Variants in NEXMIF observed in about 807,000 individuals in gnomAD.
NEXMIF encodes the protein XLMR protein related to neurite extension.
A neutral mutation model predicts 62.1 loss-of-function variants in NEXMIF; 8 were observed. That is an observed-to-expected ratio of 0.13 (90% CI 0.08 to 0.23). NEXMIF has a LOEUF of 0.23. Ranked by LOEUF, NEXMIF falls within the 10% of genes least tolerant of loss-of-function variation. The pLI is 1.00. For missense variants in NEXMIF, 976 were observed against 1,113.3 expected (o/e 0.88, Z 1.75); for synonymous variants, 404 against 416.6 (o/e 0.97, Z 0.37).
At position 74,741,258 on chromosome X, in the gene NEXMIF, T is replaced by A. The variant is rs1326638705; in HGVS notation, c.3299A>T (p.Glu1100Val). Reference sequence around the variant, plus strand: ...ACTGTCCAATGGTCCTGGGACACCCTCTTGGAACCCCTTTAGTGTTCCTAG... The same window carrying A: ...ACTGTCCAATGGTCCTGGGACACCCACTTGGAACCCCTTTAGTGTTCCTAG... ...KTLGTLKGFQ[E>V]GVPGPLDSVE... is the part of the protein sequence containing the mutation. Residue 1100 changes from glutamate to valine, a missense_variant, in exon 3 of 4, where the codon GAG becomes GTG. Physicochemically the swap from Glu to Val is moderately radical, Grantham distance 121. Transcript: ENST00000055682. The A allele has an allele frequency of 8.3e-7, 1 of 1,211,048 alleles. No individual in the cohort carries two copies. The highest frequency in any genetic ancestry group is 1.8e-5 in the South Asian group (1 of 56,945).
chrX:74,778,117 T>A lies in NEXMIF; in HGVS notation c.-47-32420A>T, dbSNP rs370795002. ...TGTGCATGAACTTTGTGTCCTGTAG[T>A]TCACCTTTAGATGTAAAGAGCCAAA... On this transcript the variant is annotated intron_variant, in intron 1 of 3. Coordinates refer to ENST00000055682, the MANE Select transcript of NEXMIF (RefSeq NM_001008537.3). Among the ~76,000 whole-genome samples the A allele has an allele frequency of 8.6e-4, 97 of 112,154 alleles. 2 individuals carry two copies. In the South Asian group the frequency reaches 0.034, roughly 39 times the overall value.
chrX:74,885,426 A>T lies in NEXMIF; in HGVS notation c.-48+39457T>A, dbSNP rs1440151446. ...AAGAATAATAAAGAAGAAAAGGGAG[A>T]AGAATCAAATAGACGCAATAAAAAA... On this transcript the variant is annotated intron_variant, in intron 1 of 3. Coordinates refer to ENST00000055682, the MANE Select transcript of NEXMIF (RefSeq NM_001008537.3). Among the ~76,000 whole-genome samples the T allele has an allele frequency of 1.1e-4, 12 of 111,919 alleles. No individual in the cohort carries two copies. In the East Asian group the frequency reaches 3.3e-3, roughly 31 times the overall value.
chrX:74,873,087 CCACT>C (rs1328800709), intron 1 of NEXMIF, among the ~76,000 whole-genome samples: 6 of 109,379 alleles, frequency 5.5e-5, no homozygotes, highest in Non-Finnish European at 9.5e-5. Flanking sequence ...TGCGCTGCAC[CCACT>C]AACTCGTCAT....
At chrX:74,846,083 G>A (rs1007518146) in intron 1 of NEXMIF, among the ~76,000 whole-genome samples, 1 of 112,569 alleles carries the variant, frequency 8.9e-6, no homozygotes, top group Non-Finnish European at 1.9e-5. Context: ...CAATGCTAAA[G>A]GCTCTACTTT....
chrX:74,903,690 G>C (rs1217893465), intron 1 of NEXMIF, among the ~76,000 whole-genome samples: 1 of 111,601 alleles, frequency 9.0e-6, no homozygotes, highest in Non-Finnish European at 1.9e-5. Context: ...TCTCAGCATC[G>C]TTACTTTTTT....
At chrX:74,879,642 C>T (rs2080654872) in intron 1 of NEXMIF, among the ~76,000 whole-genome samples, 1 of 112,073 alleles carries the variant, frequency 8.9e-6, no homozygotes, top group African/African-American at 3.2e-5. Context: ...AATGTACTGA[C>T]ATTTGGAATG....
chrX:74,861,429 T>C (rs1396812203), intron 1 of NEXMIF, among the ~76,000 whole-genome samples: 4 of 111,605 alleles, frequency 3.6e-5, no homozygotes, highest in African/African-American at 1.3e-4. Context: ...TACTACAGAA[T>C]ATCATCCAGG....
intron 1 of NEXMIF, among the ~76,000 whole-genome samples, chrX:74,773,498 TG>T (rs1182075135): frequency 2.7e-5 from 3 of 111,162 alleles, no homozygotes; most frequent in Non-Finnish European, 5.7e-5. Context: ...GTTCAGTCTT[TG>T]GTGGGGCCAT....
rs2080106737 is a variant in NEXMIF at position 74,742,044 on chromosome X, G to A, written c.2513C>T (p.Pro838Leu). 8.3e-7 allele frequency: 1 copy of A among 1,211,817 alleles called. No homozygotes were observed. Among genetic ancestry groups the A allele is most frequent in the Non-Finnish European group, 1.1e-6 (1 of 895,486 alleles). Residue 838 changes from proline (P) to leucine (L), a missense_variant, in exon 3 of 4, where the codon CCA becomes CTA. Around this residue, in one of 5 missense-constraint regions of NEXMIF, gnomAD observed 639 missense variants for 694.5 expected, o/e 0.92. Transcript: ENST00000055682. ...TSISYFSHHS[P>L]EQNEGSLTQT... ...AGTGAGGCTGCCTTCATTTTGCTCTGGAGAATGGTGGCTGAAGTATGAGAT... is the reference window on the plus strand; with the variant it reads ...AGTGAGGCTGCCTTCATTTTGCTCTAGAGAATGGTGGCTGAAGTATGAGAT...
In NEXMIF at chrX:74,803,176, A is replaced by C. The variant is rs191695180; in HGVS notation, c.-47-57479T>G. Among the ~76,000 whole-genome samples, 554 of 111,978 alleles carry C rather than the reference A, an allele frequency of 4.9e-3. 4 individuals carry two copies. Among genetic ancestry groups the C allele is most frequent in the African/African-American group, 0.017 (528 of 30,787 alleles). ...AAAGGGAAAATAACGAGAACTCCCCAAACCTGGAGAAATGTATCAACATTT... is the reference window on the plus strand; with the variant it reads ...AAAGGGAAAATAACGAGAACTCCCCCAACCTGGAGAAATGTATCAACATTT... On this transcript the variant is annotated intron_variant, in intron 1 of 3. Transcript: ENST00000055682.
At chrX:74,780,437 C>A (rs1319293520) in intron 1 of NEXMIF, among the ~76,000 whole-genome samples, 1 of 107,733 alleles carries the variant, frequency 9.3e-6, no homozygotes, top group African/African-American at 3.4e-5. Context: ...AGTGCAGTGG[C>A]ATGAATATGG....
intron 1 of NEXMIF, among the ~76,000 whole-genome samples, chrX:74,770,452 G>A (rs1295018942): frequency 8.9e-6 from 1 of 111,871 alleles, no homozygotes; most frequent in Non-Finnish European, 1.9e-5. Flanking sequence ...AGATATGTAT[G>A]TTTCTTTTTG....
intron 1 of NEXMIF, among the ~76,000 whole-genome samples, chrX:74,868,383 C>T (rs893471400): frequency 1.8e-5 from 2 of 111,687 alleles, no homozygotes; most frequent in African/African-American, 6.5e-5. Flanking sequence ...ACCCAAATGC[C>T]CATCAGTGAT....
chrX:74,764,450 C>G (rs2080188515), intron 1 of NEXMIF, among the ~76,000 whole-genome samples: 1 of 111,595 alleles, frequency 9.0e-6, no homozygotes, highest in Non-Finnish European at 1.9e-5. Flanking sequence ...GTGTCTCTGC[C>G]AGGCTTTGGT....
chrX:74,833,432 C>A (rs1396831550), intron 1 of NEXMIF, among the ~76,000 whole-genome samples: 1 of 111,322 alleles, frequency 9.0e-6, no homozygotes, highest in African/African-American at 3.3e-5. Context: ...CATGAAATAT[C>A]TTTTTTCATC....
chrX:74,899,905 A>C (rs1360576668), intron 1 of NEXMIF, among the ~76,000 whole-genome samples: 2 of 112,058 alleles, frequency 1.8e-5, no homozygotes, highest in African/African-American at 6.5e-5. Flanking sequence ...AGGGCAATGT[A>C]GAAAATGAAA....
In NEXMIF at chrX:74,796,173, A is replaced by T. The variant is rs867258519; in HGVS notation, c.-47-50476T>A. Among the ~76,000 whole-genome samples, 440 of 72,768 alleles carry T rather than the reference A, an allele frequency of 6.0e-3. 1 individual carries two copies. The highest frequency in any genetic ancestry group is 9.2e-3 in the Non-Finnish European group (380 of 41,136). The allele number at this position is 72,768 out of a possible 115,157, so 63.2% of individuals were successfully genotyped here. Reference sequence around the variant, plus strand: ...TATATACATATATATTATATATATTATATATATACATATATATTATATATA... The same window carrying T: ...TATATACATATATATTATATATATTTTATATATACATATATATTATATATA... On this transcript the variant is annotated intron_variant, in intron 1 of 3. Coordinates refer to ENST00000055682, the MANE Select transcript of NEXMIF (RefSeq NM_001008537.3).
At chrX:74,759,006 T>C (rs1311932902) in intron 1 of NEXMIF, among the ~76,000 whole-genome samples, 1 of 112,478 alleles carries the variant, frequency 8.9e-6, no homozygotes, top group Non-Finnish European at 1.9e-5. Context: ...CAAATTAATT[T>C]ACCCTCCCAC....
intron 1 of NEXMIF, among the ~76,000 whole-genome samples, chrX:74,750,059 A>G (rs1288027931): frequency 9.0e-6 from 1 of 111,573 alleles, no homozygotes; most frequent in Non-Finnish European, 1.9e-5. Context: ...AGTAGTGAAG[A>G]ATATTAGGAC....
Sources: gnomAD v4.1 joint callset for allele counts (sites outside exome capture counted in the v4.1 genomes callset) on GRCh38, gnomAD v4.1.1 for gene constraint, gnomAD v4.1.1 regional missense constraint, MANE v1.5 for transcripts, NCBI Gene and HGNC (gene_info 2026-07-23, HGNC 2026-07-21) for gene names.